ARFGAP1: variants seen among roughly 807,000 people sequenced by gnomAD.
ARFGAP1 encodes ADP-ribosylation factor GTPase-activating protein 1.
ARFGAP1 carries 26 observed loss-of-function variants against 54.0 expected under a neutral mutation model. The ratio of observed to expected loss-of-function variants is 0.48; its 90% CI spans 0.35 to 0.67. The LOEUF is 0.67. Among genes scored for constraint, ARFGAP1 ranks in the 30% least tolerant of loss-of-function variants. The pLI, the probability that ARFGAP1 is intolerant of heterozygous loss-of-function variation, is 0.00. For synonymous variants in ARFGAP1, 248 were observed against 211.9 expected (o/e 1.17, Z -1.48); for missense variants, 525 against 535.8 (o/e 0.98, Z 0.20).
At chr20:63,277,923 G>T (rs972728340) in intron 5 of ARFGAP1, among the ~76,000 whole-genome samples, 194 bp from the exon 6 acceptor site, 1 of 152,232 alleles carries the variant, frequency 6.6e-6, no homozygotes, top group Non-Finnish European at 1.5e-5. Flanking sequence ...TTGCCCATGA[G>T]GCTGGCATTG....
rs531244036 is a variant in ARFGAP1, at chr20:63,284,846, C to T, written c.718-20C>T. On this transcript the variant is annotated intron_variant, in intron 9 of 12. Coordinates refer to ENST00000370283, the MANE Select transcript of ARFGAP1 (RefSeq NM_018209.4). The stretch of plus-strand genomic sequence containing the variant: ...CGTGGTGGAGCTGTCGTGGGGCTCA[C>T]GTGACTTCCCTTCCTACAGGCGTCC... 18 of 1,612,018 alleles carry T rather than the reference C, an allele frequency of 1.1e-5. No individual in the cohort carries two copies. Among genetic ancestry groups the T allele is most frequent in the African/African-American group, 1.3e-5 (1 of 75,050 alleles).
chr20:63,284,433 C>T, intron 9 of ARFGAP1: 17 of 1,084,332 alleles, frequency 1.6e-5, no homozygotes, highest in Non-Finnish European at 1.9e-5. Flanking sequence ...GCAGCTTCTT[C>T]CTATGGCCCC....
At position 63,274,739 on chromosome 20, in the gene ARFGAP1, G is replaced by T. The variant is rs576252128; in HGVS notation, c.-4-838G>T. ...ACTGGGTCATTCCCCCTTGACGCTG[G>T]GGTTGGTACCACCCCTTCCTCCGGC... On this transcript the variant is annotated intron_variant, in intron 1 of 12. Transcript: ENST00000370283. Among the ~76,000 whole-genome samples the T allele has an allele frequency of 9.2e-5, 14 of 152,270 alleles. No individual in the cohort carries two copies. In the Middle Eastern group the frequency reaches 0.02, roughly 222 times the overall value.
intron 12 of ARFGAP1, 39 bp downstream of exon 12, chr20:63,286,481 C>T: frequency 6.3e-7 from 1 of 1,583,426 alleles, no homozygotes; most frequent in Non-Finnish European, 8.6e-7. Flanking sequence ...ATCCCACTCC[C>T]CTGCCTTGGC....
At chr20:63,284,600 A>G (rs1055274567) in intron 9 of ARFGAP1, 12 of 1,324,414 alleles carry the variant, frequency 9.1e-6, no homozygotes, top group African/African-American at 6.0e-5. Flanking sequence ...GCAGGGCCGC[A>G]TGGTGGCGCG....
In ARFGAP1 at chr20:63,284,885, G is replaced by T. The variant is rs767282895; in HGVS notation, c.737G>T (p.Ser246Ile). 1.9e-6 allele frequency: 3 copies of T among 1,612,984 alleles called. No individual in the cohort carries two copies. The highest frequency in any genetic ancestry group is 2.2e-5 in the East Asian group (1 of 44,886). The change falls in exon 10 of 13, where the codon AGC becomes ATC. Residue 246 changes from serine (S) to isoleucine (I), a missense_variant. By Grantham distance (142) the Ser-to-Ile change is moderately radical. Around this residue, in one of 3 missense-constraint regions of ARFGAP1, gnomAD observed 466 missense variants for 453.6 expected, o/e 1.03. Coordinates refer to ENST00000370283, the MANE Select transcript of ARFGAP1 (RefSeq NM_018209.4). ...ASQKASELGH[S>I]LNENVLKPAQ... Reference sequence around the variant, plus strand: ...CTACAGGCGTCCGAGCTGGGCCACAGCCTGAACGAGAACGTCCTCAAGCCT... The same window carrying T: ...CTACAGGCGTCCGAGCTGGGCCACATCCTGAACGAGAACGTCCTCAAGCCT...
chr20:63,275,529 A>G, intron 1 of ARFGAP1, 48 bp from the exon 2 acceptor site: 4 of 1,563,752 alleles, frequency 2.6e-6, no homozygotes, highest in African/African-American at 1.4e-5. Context: ...TCTTTTTTGT[A>G]GAGTAGCCTG....
intron 8 of ARFGAP1, 39 bp downstream of exon 8, chr20:63,281,386 G>A: frequency 6.4e-7 from 1 of 1,567,512 alleles, no homozygotes; most frequent in Non-Finnish European, 8.6e-7. Flanking sequence ...TCCCCACCAG[G>A]CCCTCGGGAC....
intron 12 of ARFGAP1, 71 bp from the exon 13 acceptor site, chr20:63,287,493 C>T (rs569625035): frequency 8.7e-5 from 126 of 1,440,560 alleles, no homozygotes; most frequent in Middle Eastern, 1.9e-4. Flanking sequence ...GCAGAGCTCT[C>T]GGGGGCACAG....
rs564675778 is a variant in ARFGAP1 at position 63,281,489 on chromosome 20, G to A, written c.684+142G>A. The A allele has an allele frequency of 7.6e-6, 8 of 1,046,774 alleles. No individual in the cohort carries two copies. The East Asian group carries it at 1.3e-4, about 17-fold the overall frequency. The allele number at this position is 1,046,774 out of a possible 1,614,324, so 64.8% of individuals were successfully genotyped here. A position where few individuals can be genotyped will look rare whatever the true frequency, so the allele number is the denominator to read the frequency against. On this transcript the variant is annotated intron_variant, in intron 8 of 12. Coordinates refer to ENST00000370283, the MANE Select transcript of ARFGAP1 (RefSeq NM_018209.4). ...TGCTGTAACCATGGGCTGTGCCAAC[G>A]CAGTACCAGCCAGGGTGGTCCTGAG...
intron 7 of ARFGAP1, among the ~76,000 whole-genome samples, chr20:63,280,713 TCTG>T (rs1258683261): frequency 2.6e-5 from 4 of 152,258 alleles, no homozygotes; most frequent in African/African-American, 9.6e-5. Context: ...GGCCCTTCCT[TCTG>T]CTGCCTTTTG....
intron 9 of ARFGAP1, 79 bp downstream of exon 9, chr20:63,282,930 G>A: frequency 2.0e-6 from 3 of 1,515,268 alleles, no homozygotes; most frequent in Non-Finnish European, 1.8e-6. Flanking sequence ...ACCTGAAGCT[G>A]CCTGGTTCCC....
intron 9 of ARFGAP1, chr20:63,283,496 C>T: frequency 6.3e-6 from 2 of 318,934 alleles, no homozygotes; most frequent in Non-Finnish European, 1.2e-5. Flanking sequence ...GCGCCTTTGC[C>T]CCCTGGGCGA....
Position 63,288,726 on chromosome 20 carries a change from C to G in ARFGAP1, c.*853C>G. ...CGTGGTGCCTGGGTCTAGGGAAGCT[C>G]CAGCCCCAGGATGGGGCTGCCCTGC... On this transcript the variant is annotated 3_prime_UTR_variant, in exon 13 of 13. Transcript: ENST00000370283. 2.8e-6 allele frequency: 1 copy of G among 351,554 alleles called. No individual in the cohort carries two copies. Among genetic ancestry groups the G allele is most frequent in the South Asian group, 2.1e-5 (1 of 47,808 alleles). The allele number at this position is 351,554 out of a possible 1,614,324, so 21.8% of individuals were successfully genotyped here.
rs2067620375 is a variant in ARFGAP1 at position 63,288,288 on chromosome 20, T to C, written c.*415T>C. On this transcript the variant is annotated 3_prime_UTR_variant, in exon 13 of 13. Transcript: ENST00000370283. The stretch of plus-strand genomic sequence containing the variant: ...TGAGGTGTCCCTTCTCGTTGAGATA[T>C]TTAACTTTGGTTTTGCTCTAGTTCT... 2.1e-6 allele frequency: 1 copy of C among 483,090 alleles called. No homozygotes were observed. Among genetic ancestry groups the C allele is most frequent in the Non-Finnish European group, 4.1e-6 (1 of 245,122 alleles). 29.9% of individuals were successfully genotyped at this position (483,090 alleles called of 1,614,324 possible).
chr20:63,288,012 G>A lies in ARFGAP1; in HGVS notation c.*139G>A. The A allele has an allele frequency of 9.5e-7, 1 of 1,049,116 alleles. No individual in the cohort carries two copies. Among genetic ancestry groups the A allele is most frequent in the South Asian group, 1.7e-5 (1 of 59,810 alleles). 65.0% of individuals were successfully genotyped at this position (1,049,116 alleles called of 1,614,324 possible). On this transcript the variant is annotated 3_prime_UTR_variant, in exon 13 of 13. Transcript: ENST00000370283. Reference sequence around the variant, plus strand: ...CAGCGTCTCGGGAGGCAGGACCCTAGGGAGACCCGGGTGTGCGCCGCCTGC... The same window carrying A: ...CAGCGTCTCGGGAGGCAGGACCCTAAGGAGACCCGGGTGTGCGCCGCCTGC...
chr20:63,284,001 A>G (rs2067456453), intron 9 of ARFGAP1: 2 of 1,514,260 alleles, frequency 1.3e-6, no homozygotes, highest in African/African-American at 2.8e-5. Flanking sequence ...GCACGCTCAG[A>G]CCCTCTCCCT....
intron 9 of ARFGAP1, 43 bp from the exon 10 acceptor site, chr20:63,284,823 T>C (rs1216364034): frequency 5.0e-6 from 8 of 1,609,556 alleles, no homozygotes; most frequent in Non-Finnish European, 4.2e-6. Flanking sequence ...CCGTGTCCCG[T>C]GGTGGAGCTG....
chr20:63,284,641 G>C, intron 9 of ARFGAP1: 1 of 1,392,016 alleles, frequency 7.2e-7, no homozygotes, highest in Non-Finnish European at 9.4e-7. Context: ...GGACCTTCCT[G>C]CAAGAATTGG....
Sources: allele counts gnomAD v4.1 joint callset (sites outside exome capture counted in the v4.1 genomes callset), GRCh38; gene constraint gnomAD v4.1.1; regional missense constraint gnomAD v4.1.1; transcripts MANE v1.5; gene names NCBI Gene and HGNC (gene_info 2026-07-23, HGNC 2026-07-21).